The following LOC128125817 variants were observed in gnomAD, a reference collection of about 807,000 sequenced individuals.
the LOC128125817 span, among the ~76,000 whole-genome samples, chr1:41,620,464 C>T: frequency 3.9e-5 from 6 of 152,142 alleles, no homozygotes; most frequent in Admixed American, 3.9e-4. Context: ...TCTCACCTGT[C>T]TGAGCACTTC....
the LOC128125817 span, chr1:41,628,690 G>T: frequency 1.7e-6 from 2 of 1,163,596 alleles, no homozygotes; most frequent in Non-Finnish European, 2.2e-6. Flanking sequence ...GCAAGCTCAT[G>T]CAAGACAGAC....
At chr1:41,603,485 C>G in the LOC128125817 span, among the ~76,000 whole-genome samples, 50,981 of 151,898 alleles carry the variant, frequency 0.34, 11,382 homozygotes, top group African/African-American at 0.6. Context: ...TCAGCCTCCT[C>G]AGCAGCTGGG....
the LOC128125817 span, among the ~76,000 whole-genome samples, chr1:41,589,213 G>A: frequency 6.6e-6 from 1 of 152,212 alleles, no homozygotes. Flanking sequence ...ACAGAGGCCT[G>A]AACCCCAGAC....
chr1:41,599,604 A>G, the LOC128125817 span, among the ~76,000 whole-genome samples: 1 of 152,162 alleles, frequency 6.6e-6, no homozygotes, highest in African/African-American at 2.4e-5. Flanking sequence ...CAAAGACCTA[A>G]ACTCAGAGAT....
At chr1:41,607,712 G>A in the LOC128125817 span, among the ~76,000 whole-genome samples, 1 of 152,142 alleles carries the variant, frequency 6.6e-6, no homozygotes, top group Non-Finnish European at 1.5e-5. Flanking sequence ...TGTAAAGTTA[G>A]GATATGTATT....
chr1:41,610,833 G>C, the LOC128125817 span, among the ~76,000 whole-genome samples: 1 of 152,192 alleles, frequency 6.6e-6, no homozygotes, highest in South Asian at 2.1e-4. Flanking sequence ...AGCACTCAGG[G>C]AATGTACTGT....
the LOC128125817 span, among the ~76,000 whole-genome samples, chr1:41,626,887 C>T: frequency 2.0e-5 from 3 of 152,318 alleles, no homozygotes; most frequent in South Asian, 6.2e-4. Context: ...AGTGCTGGGT[C>T]TTTTGTAACC....
chr1:41,596,942 C>G, the LOC128125817 span, among the ~76,000 whole-genome samples: 3 of 152,296 alleles, frequency 2.0e-5, no homozygotes, highest in East Asian at 3.9e-4. Context: ...TCTGCATGAC[C>G]ATGTTAACCT....
chr1:41,615,488 C>T, the LOC128125817 span, among the ~76,000 whole-genome samples: 2 of 152,110 alleles, frequency 1.3e-5, no homozygotes, highest in Non-Finnish European at 2.9e-5. Context: ...GATGCTGGGC[C>T]CAAGGAAGAG....
chr1:41,618,498 C>T, the LOC128125817 span, among the ~76,000 whole-genome samples: 1 of 152,158 alleles, frequency 6.6e-6, no homozygotes, highest in Non-Finnish European at 1.5e-5. Context: ...CTACCGAGGC[C>T]CAGTGCTCTG....
At chr1:41,610,224 T>A in the LOC128125817 span, among the ~76,000 whole-genome samples, 5 of 152,242 alleles carry the variant, frequency 3.3e-5, no homozygotes, top group Non-Finnish European at 5.9e-5. Context: ...AGAACCCTAA[T>A]ACACAACTTC....
chr1:41,604,658 A>C, the LOC128125817 span, among the ~76,000 whole-genome samples: 1 of 152,224 alleles, frequency 6.6e-6, no homozygotes, highest in Non-Finnish European at 1.5e-5. Context: ...CCCTGATCTT[A>C]GACTTCCCAG....
the LOC128125817 span, among the ~76,000 whole-genome samples, chr1:41,613,431 C>G: frequency 6.6e-6 from 1 of 152,182 alleles, no homozygotes; most frequent in Non-Finnish European, 1.5e-5. Flanking sequence ...AGAGCAGGGG[C>G]TGTATTTTAA....
chr1:41,621,150 A>G, the LOC128125817 span, among the ~76,000 whole-genome samples: 1 of 152,196 alleles, frequency 6.6e-6, no homozygotes, highest in Non-Finnish European at 1.5e-5. Flanking sequence ...TACAGGTGAC[A>G]CCAGTCTGAA....
At chr1:41,590,319 T>C in the LOC128125817 span, among the ~76,000 whole-genome samples, 8 of 152,202 alleles carry the variant, frequency 5.3e-5, no homozygotes, top group African/African-American at 1.7e-4. Flanking sequence ...CTCTTTCTTG[T>C]AGTAATCAAA....
At chr1:41,621,716 C>T in the LOC128125817 span, among the ~76,000 whole-genome samples, 1,248 of 152,284 alleles carry the variant, frequency 8.2e-3, 19 homozygotes, top group African/African-American at 0.028. Context: ...TGAGGTCTCA[C>T]TACCTTGCCC....
chr1:41,622,445 A>C, the LOC128125817 span, among the ~76,000 whole-genome samples: 1 of 152,202 alleles, frequency 6.6e-6, no homozygotes, highest in Non-Finnish European at 1.5e-5. Flanking sequence ...GGGAATGCTG[A>C]GCTAAGGGTC....
the LOC128125817 span, among the ~76,000 whole-genome samples, chr1:41,601,084 G>A: frequency 5.3e-5 from 8 of 152,048 alleles, no homozygotes; most frequent in Non-Finnish European, 1.0e-4. Flanking sequence ...GATTTATTTC[G>A]GGTTCTCTGT....
the LOC128125817 span, among the ~76,000 whole-genome samples, chr1:41,623,944 A>G: frequency 5.3e-5 from 8 of 151,772 alleles, no homozygotes; most frequent in East Asian, 1.9e-4. Flanking sequence ...CTCTGCACAC[A>G]TGTTTACCTT....
Sources: allele counts gnomAD v4.1 joint callset (sites outside exome capture counted in the v4.1 genomes callset), GRCh38; gene constraint gnomAD v4.1.1; transcripts MANE v1.5.